The following ACACB variants were observed in gnomAD, a reference collection of about 807,000 sequenced individuals.
The protein encoded by ACACB is acetyl-CoA carboxylase 2.
A neutral mutation model predicts 278.8 loss-of-function variants in ACACB; 209 were observed. The observed-to-expected ratio is 0.75, with a 90% CI of 0.67 to 0.84. ACACB has a LOEUF of 0.84. ACACB is among the 40% of genes least tolerant of loss of function. The pLI is 0.00. For synonymous variants in ACACB, 1,174 were observed against 1,285.6 expected (o/e 0.91, Z 1.86); for missense variants, 2,850 against 3,269.0 (o/e 0.87, Z 3.13).
upstream of ACACB, among the ~76,000 whole-genome samples, chr12:109,111,791 G>A (rs2042299235): frequency 6.6e-6 from 1 of 152,060 alleles, no homozygotes; most frequent in Admixed American, 6.5e-5. Context: ...CCAGAACCTC[G>A]AGACTAGCAA....
At chr12:109,169,837 C>T (rs1338616473) in intron 4 of ACACB, among the ~76,000 whole-genome samples, 5 of 152,190 alleles carry the variant, frequency 3.3e-5, no homozygotes, top group African/African-American at 1.2e-4. Context: ...TCTGGCCGCT[C>T]ACTTCATCAT....
chr12:109,261,196 C>A lies in ACACB; in HGVS notation c.6674+539C>A, dbSNP rs11066014. On this transcript the variant is annotated intron_variant, in intron 48 of 52. Transcript: ENST00000338432. Reference sequence around the variant, plus strand: ...ATGACTTTGAAGTGAAAACTACATGCTACACAGGATGTCAAGGCCTCAAGA... The same window carrying A: ...ATGACTTTGAAGTGAAAACTACATGATACACAGGATGTCAAGGCCTCAAGA... Among the ~76,000 whole-genome samples, 501 of 152,326 alleles carry A rather than the reference C, an allele frequency of 3.3e-3. 7 individuals are homozygous for A. In the East Asian group the frequency reaches 0.058, roughly 18 times the overall value.
At chr12:109,237,551 G>T (rs2046667121) in intron 34 of ACACB, among the ~76,000 whole-genome samples, 171 bp downstream of exon 34, 1 of 152,136 alleles carries the variant, frequency 6.6e-6, no homozygotes, top group Non-Finnish European at 1.5e-5. Context: ...CAGCAAAGTG[G>T]CCTGTGATCA....
In ACACB at chr12:109,200,239, A is replaced by C. The variant is rs554131203; in HGVS notation, c.2778+687A>C. Among the ~76,000 whole-genome samples, 5 of 151,790 alleles carry C rather than the reference A, an allele frequency of 3.3e-5. 1 individual carries two copies. The South Asian group carries it at 1.0e-3, about 32-fold the overall frequency. On this transcript the variant is annotated intron_variant, in intron 18 of 52. Coordinates refer to ENST00000338432, the MANE Select transcript of ACACB (RefSeq NM_001093.4). Reference sequence around the variant, plus strand: ...CAGTCTGTCACCCGGGCTGGAGTGTAGTGGCGTGATCTTGTCTCACTGCAA... The same window carrying C: ...CAGTCTGTCACCCGGGCTGGAGTGTCGTGGCGTGATCTTGTCTCACTGCAA...
At chr12:109,234,092 A>T in intron 31 of ACACB, 47 bp downstream of exon 31, 1 of 1,495,390 alleles carries the variant, frequency 6.7e-7, no homozygotes, top group Non-Finnish European at 9.2e-7. Flanking sequence ...TTGGAGAAGG[A>T]GGAGGGGCTG....
At chr12:109,163,406 G>A (rs1221908702) in intron 2 of ACACB, among the ~76,000 whole-genome samples, 2 of 152,090 alleles carry the variant, frequency 1.3e-5, no homozygotes, top group African/African-American at 2.4e-5. Flanking sequence ...AACATTTGTA[G>A]GCCAAAAACA....
In ACACB at chr12:109,199,436, T is replaced by C; in HGVS notation, c.2662T>C (p.Phe888Leu). The C allele has an allele frequency of 6.5e-7, 1 of 1,545,930 alleles. No homozygotes were observed. The highest frequency in any genetic ancestry group is 8.7e-7 in the Non-Finnish European group (1 of 1,145,348). ...TACCATCGGCAATAAGACGTGTGTG[T>C]TTGAGAAGGAGAACGATCCTACAGT... ...RITIGNKTCV[F>L]EKENDPTVLR... The change falls in exon 18 of 53, where the codon TTT becomes CTT. Residue 888 changes from phenylalanine (F) to leucine (L), a missense_variant. By Grantham distance (22) the Phe-to-Leu change is conservative (BLOSUM62 0). This residue lies in a region of ACACB where 2,265 missense variants were observed against 2,561.3 expected (regional missense o/e 0.88). Coordinates refer to ENST00000338432, the MANE Select transcript of ACACB (RefSeq NM_001093.4).
At chr12:109,192,896 C>T (rs1178655494) in intron 15 of ACACB, among the ~76,000 whole-genome samples, 1 of 152,136 alleles carries the variant, frequency 6.6e-6, no homozygotes, top group African/African-American at 2.4e-5. Flanking sequence ...AAACTCATGG[C>T]CTCAAGCAAT....
intron 47 of ACACB, among the ~76,000 whole-genome samples, chr12:109,259,704 C>T (rs563520804): frequency 5.9e-5 from 9 of 152,292 alleles, no homozygotes; most frequent in East Asian, 1.9e-4. Flanking sequence ...TGGGCAGGCA[C>T]CTCCCCATTT....
chr12:109,145,754 A>C (rs2043227321), intron 2 of ACACB, among the ~76,000 whole-genome samples: 2 of 151,938 alleles, frequency 1.3e-5, no homozygotes, highest in Admixed American at 1.3e-4. Context: ...TAATCCCAGC[A>C]CTTTGGGAGG....
chr12:109,126,093 T>C (rs2042672931), intron 1 of ACACB, among the ~76,000 whole-genome samples: 1 of 152,180 alleles, frequency 6.6e-6, no homozygotes, highest in Admixed American at 6.5e-5. Flanking sequence ...AGTGAATGGC[T>C]GAAGAAGGCA....
chr12:109,201,600 G>T lies in ACACB; in HGVS notation c.2812G>T (p.Glu938Ter). 1 of 1,614,188 alleles carries T rather than the reference G, an allele frequency of 6.2e-7. No homozygotes were observed. Among genetic ancestry groups the T allele is most frequent in the Non-Finnish European group, 8.5e-7 (1 of 1,180,036 alleles). The part of the protein sequence containing the change: ...MKMIMTLNVQ[E>*]RGRVKYIKRP... The stretch of plus-strand genomic sequence containing the variant: ...GATGATCATGACCCTGAACGTTCAG[G>T]AAAGAGGCCGGGTGAAGTACATCAA... Residue 938 changes from glutamate (E) to a stop codon, truncating the protein, a stop_gained, in exon 19 of 53, where the codon GAA becomes TAA. Coordinates refer to ENST00000338432, the MANE Select transcript of ACACB (RefSeq NM_001093.4). LOFTEE classifies it high-confidence loss of function.
chr12:109,260,684 T>A, intron 48 of ACACB, 27 bp downstream of exon 48: 1 of 1,510,360 alleles, frequency 6.6e-7, no homozygotes, highest in Non-Finnish European at 8.8e-7. Context: ...TAGCCTGGCT[T>A]AGCCTTTTCT....
Position 109,233,775 on chromosome 12 carries a change from C to T in ACACB, c.4167C>T (p.Phe1389=), listed in dbSNP as rs754587008. ...ATTTTGATGAAGTCATCTCTTGCTT[C>T]GCCAACGTGCCCAAAGACACCCCCC... ...TRNFDEVISC[F]ANVPKDTPLF... The change falls in exon 30 of 53, where the codon TTC becomes TTT. Residue 1389 remains phenylalanine (F), a synonymous_variant. Coordinates refer to ENST00000338432, the MANE Select transcript of ACACB (RefSeq NM_001093.4). 41 of 1,614,048 alleles carry T rather than the reference C, an allele frequency of 2.5e-5. No homozygotes were observed. Among genetic ancestry groups the T allele is most frequent in the Middle Eastern group, 1.6e-4 (1 of 6,084 alleles).
At chr12:109,246,512 G>A in intron 39 of ACACB, 64 bp downstream of exon 39, 1 of 1,569,462 alleles carries the variant, frequency 6.4e-7, no homozygotes, top group South Asian at 1.2e-5. Flanking sequence ...TTCAGTGGGA[G>A]TGCTAGCACC....
intron 28 of ACACB, among the ~76,000 whole-genome samples, chr12:109,231,229 G>A (rs1301433347): frequency 6.6e-6 from 1 of 152,154 alleles, no homozygotes; most frequent in Non-Finnish European, 1.5e-5. Flanking sequence ...CTGCGATGGG[G>A]CTGCTGTCCT....
chr12:109,122,723 A>T (rs943314649), intron 1 of ACACB, among the ~76,000 whole-genome samples: 1 of 152,064 alleles, frequency 6.6e-6, no homozygotes, highest in African/African-American at 2.4e-5. Context: ...TGGTATAGGA[A>T]AAAAAGTTGA....
Position 109,223,816 on chromosome 12 carries a change from A to C in ACACB, c.3794A>C (p.Lys1265Thr). Residue 1265 changes from lysine (K) to threonine (T), a missense_variant and splice_region_variant, in exon 27 of 53, where the codon AAA (lysine) becomes ACA (threonine). Lys to Thr is a moderately conservative substitution (Grantham distance 78, BLOSUM62 -1). Coordinates refer to ENST00000338432, the MANE Select transcript of ACACB (RefSeq NM_001093.4). Reference protein sequence around the residue: ...GHQFCPENLKKLILSETTIFD... With the variant: ...GHQFCPENLKTLILSETTIFD... Reference sequence around the variant, plus strand: ...GTTTCCCCTTTTCATTTCCCTTAGAAATTAATACTTTCGGAAACAACCATC... The same window carrying C: ...GTTTCCCCTTTTCATTTCCCTTAGACATTAATACTTTCGGAAACAACCATC... 1 of 1,612,924 alleles carries C rather than the reference A, an allele frequency of 6.2e-7. No individual in the cohort carries two copies. Among genetic ancestry groups the C allele is most frequent in the South Asian group, 1.1e-5 (1 of 91,052 alleles).
chr12:109,178,114 G>T (rs1303774041), intron 9 of ACACB, among the ~76,000 whole-genome samples: 1 of 152,190 alleles, frequency 6.6e-6, no homozygotes, highest in Non-Finnish European at 1.5e-5. Context: ...GCTGCCGATG[G>T]TGGGGGGCTC....
Sources: gnomAD v4.1 joint callset for allele counts (sites outside exome capture counted in the v4.1 genomes callset) on GRCh38, gnomAD v4.1.1 for gene constraint, gnomAD v4.1.1 regional missense constraint, MANE v1.5 for transcripts, NCBI Gene and HGNC (gene_info 2026-07-23, HGNC 2026-07-21) for gene names.